FBXL13: variants seen among roughly 807,000 people sequenced by gnomAD.
The protein encoded by FBXL13 is F-box and leucine-rich repeat protein 13.
In FBXL13, 67 loss-of-function variants were observed where a neutral mutation model predicts 83.6. That is an observed-to-expected ratio of 0.80 (90% CI 0.66 to 0.98). FBXL13 has a LOEUF of 0.98. Among genes scored for constraint, FBXL13 ranks in the 50% least tolerant of loss-of-function variants. The pLI, the probability that FBXL13 is intolerant of heterozygous loss-of-function variation, is 0.00. For synonymous variants in FBXL13, 272 were observed against 299.5 expected (o/e 0.91, Z 0.95); for missense variants, 822 against 866.5 (o/e 0.95, Z 0.64).
chr7:103,055,700 C>T, exon 2 of FBXL13: 28 of 1,286,326 alleles, frequency 2.2e-5, no homozygotes, highest in Non-Finnish European at 2.8e-5. Flanking sequence ...CCTCTAAATA[C>T]CTCAGCGGAT....
At chr7:102,958,818 T>C (rs1824721057) in intron 8 of FBXL13, among the ~76,000 whole-genome samples, 2 of 151,948 alleles carry the variant, frequency 1.3e-5, no homozygotes, top group Admixed American at 1.3e-4. Flanking sequence ...CAAAGGCGGA[T>C]GTGACCAGAC....
At chr7:102,830,813 G>A (rs892042502) in intron 18 of FBXL13, among the ~76,000 whole-genome samples, 14 of 152,302 alleles carry the variant, frequency 9.2e-5, no homozygotes, top group African/African-American at 3.4e-4. Flanking sequence ...TGTAATTTCT[G>A]AGGATTTTCA....
intron 6 of FBXL13, among the ~76,000 whole-genome samples, chr7:102,975,694 G>A (rs1346726593): frequency 6.6e-6 from 1 of 152,130 alleles, no homozygotes; most frequent in Non-Finnish European, 1.5e-5. Context: ...CAGTCCAGAA[G>A]GAACCGATAT....
intron 10 of FBXL13, among the ~76,000 whole-genome samples, chr7:102,917,333 G>C (rs1231041701): frequency 6.6e-6 from 1 of 152,072 alleles, no homozygotes; most frequent in Non-Finnish European, 1.5e-5. Context: ...AAAACAATTG[G>C]ATACTACTCC....
intron 6 of FBXL13, among the ~76,000 whole-genome samples, chr7:103,008,774 T>C (rs528059541): frequency 1.3e-5 from 2 of 152,316 alleles, no homozygotes; most frequent in African/African-American, 4.8e-5. Flanking sequence ...GGCAGGCTGG[T>C]CTCAAACTCC....
rs536439553 is a variant in FBXL13 at position 103,017,969 on chromosome 7, G to A, written c.495+7094C>T. The stretch of plus-strand genomic sequence containing the variant: ...CCAACATTCAAATTCAGGAAATACC[G>A]AGAACGCCACAAAGATACTCCTCGA... On this transcript the variant is annotated intron_variant, in intron 6 of 19. Coordinates refer to ENST00000313221, the Ensembl canonical transcript of FBXL13. Among the ~76,000 whole-genome samples the A allele has an allele frequency of 2.5e-4, 38 of 152,094 alleles. 1 individual carries two copies. Among genetic ancestry groups the A allele is most frequent in the African/African-American group, 4.6e-4 (19 of 41,500 alleles).
intron 8 of FBXL13, among the ~76,000 whole-genome samples, chr7:102,953,238 A>C (rs1205548083): frequency 6.6e-6 from 1 of 152,182 alleles, no homozygotes; most frequent in Non-Finnish European, 1.5e-5. Flanking sequence ...TTAAATATAG[A>C]TGCAAATATC....
chr7:102,888,017 T>A (rs1248457045), intron 11 of FBXL13, among the ~76,000 whole-genome samples: 2 of 152,244 alleles, frequency 1.3e-5, no homozygotes, highest in Non-Finnish European at 2.9e-5. Flanking sequence ...AATCATCTCC[T>A]ACCATAGACC....
chr7:102,987,203 C>T (rs1227508327), intron 6 of FBXL13, among the ~76,000 whole-genome samples: 3 of 152,008 alleles, frequency 2.0e-5, no homozygotes, highest in African/African-American at 7.2e-5. Context: ...ATACTATGTA[C>T]ACTATTCAGG....
chr7:102,936,212 A>G (rs1820282364), intron 8 of FBXL13: 1 of 152,208 alleles, frequency 6.6e-6, no homozygotes, highest in Non-Finnish European at 1.5e-5. Flanking sequence ...GGCTCCAGGT[A>G]CCCACACACG....
chr7:102,959,087 A>G (rs569589954), intron 8 of FBXL13, among the ~76,000 whole-genome samples: 11 of 152,242 alleles, frequency 7.2e-5, no homozygotes, highest in Admixed American at 7.2e-4. Flanking sequence ...AAAACTGTCA[A>G]CATTCCCAGA....
chr7:103,014,921 CAAAAAAAA>C (rs1166056647), intron 6 of FBXL13, among the ~76,000 whole-genome samples: 1 of 20,626 alleles, frequency 4.8e-5, no homozygotes, highest in African/African-American at 1.2e-4. Flanking sequence ...GACTCCGTCT[CAAAAAAAA>C]AAAAAAAAAA....
intron 1 of FBXL13, among the ~76,000 whole-genome samples, chr7:103,069,906 G>A (rs531173276): frequency 1.2e-4 from 19 of 152,094 alleles, no homozygotes; most frequent in African/African-American, 4.1e-4. Flanking sequence ...GTGAAACCCC[G>A]TCTCTACTAA....
At chr7:102,956,580 G>T (rs1490004511) in intron 8 of FBXL13, among the ~76,000 whole-genome samples, 2 of 152,170 alleles carry the variant, frequency 1.3e-5, no homozygotes, top group South Asian at 2.1e-4. Context: ...GTTAGGAAAA[G>T]AGGAAGTCAA....
chr7:102,924,620 G>T (rs1308654769), intron 10 of FBXL13, among the ~76,000 whole-genome samples: 1 of 149,698 alleles, frequency 6.7e-6, no homozygotes, highest in Non-Finnish European at 1.5e-5. Flanking sequence ...TTATCACCGA[G>T]AATTTTCTGT....
rs1815080911 is a variant in FBXL13, at chr7:102,913,075, G to A, written c.1008+11C>T. 1.2e-6 allele frequency: 2 copies of A among 1,614,038 alleles called. No individual in the cohort carries two copies. The highest frequency in any genetic ancestry group is 1.7e-6 in the Non-Finnish European group (2 of 1,179,972). On this transcript the variant is annotated intron_variant, in intron 11 of 19. Transcript: ENST00000313221. ...CACACACCGCAGCAAAGAGAAGACTGAAAGACAAACCTGGGTGCAGCCAGA... is the reference window on the plus strand; with the variant it reads ...CACACACCGCAGCAAAGAGAAGACTAAAAGACAAACCTGGGTGCAGCCAGA...
At chr7:102,965,985 CTT>C (rs1362187294) in intron 7 of FBXL13, among the ~76,000 whole-genome samples, 1 of 152,140 alleles carries the variant, frequency 6.6e-6, no homozygotes, top group East Asian at 1.9e-4. Flanking sequence ...AGCTCTAAAA[CTT>C]AACTCAAAGA....
chr7:103,072,490 G>C (rs1799063905), intron 1 of FBXL13, among the ~76,000 whole-genome samples: 2 of 152,130 alleles, frequency 1.3e-5, no homozygotes, highest in Non-Finnish European at 2.9e-5. Flanking sequence ...TCACCCAGAG[G>C]GGGAACTGGG....
chr7:103,021,879 G>C lies in FBXL13; in HGVS notation c.495+3184C>G, dbSNP rs1358934547. ...AAATAGTAACACTTTTACACCGTTG[G>C]TGGGACTGTAAACTAGTACAACGAT... On this transcript the variant is annotated intron_variant, in intron 6 of 19. Transcript: ENST00000313221. Among the ~76,000 whole-genome samples, 14 of 152,304 alleles carry C rather than the reference G, an allele frequency of 9.2e-5. No homozygotes were observed. The South Asian group carries it at 2.7e-3, about 29-fold the overall frequency.
Sources: gnomAD v4.1 joint callset for allele counts (sites outside exome capture counted in the v4.1 genomes callset) on GRCh38, gnomAD v4.1.1 for gene constraint, MANE v1.5 for transcripts, NCBI Gene and HGNC (gene_info 2026-07-23, HGNC 2026-07-21) for gene names.